The following RTN1 variants were observed in gnomAD, a reference collection of about 807,000 sequenced individuals.
The protein encoded by RTN1 is reticulon 1, also known as reticulon-1.
RTN1 carries 25 observed loss-of-function variants against 65.5 expected under a neutral mutation model. That is an observed-to-expected ratio of 0.38 (90% CI 0.28 to 0.53). RTN1 has a LOEUF of 0.53. Ranked by LOEUF, RTN1 falls within the 20% of genes least tolerant of loss-of-function variation. RTN1 has a pLI of 0.79. For synonymous variants in RTN1, 471 were observed against 447.6 expected (o/e 1.05, Z -0.66); for missense variants, 983 against 1,025.4 (o/e 0.96, Z 0.57).
intron 1 of RTN1, among the ~76,000 whole-genome samples, chr14:59,750,139 A>AT (rs1555358830): frequency 4.1e-4 from 31 of 74,832 alleles, no homozygotes; most frequent in Non-Finnish European, 6.9e-4. Flanking sequence ...TATAATATAT[A>AT]ATATATATAT....
intron 1 of RTN1, among the ~76,000 whole-genome samples, chr14:59,804,871 C>T (rs897534437): frequency 1.3e-5 from 2 of 152,166 alleles, no homozygotes; most frequent in African/African-American, 4.8e-5. Flanking sequence ...TAGCTTAGTG[C>T]TTAATGTTGA....
intron 1 of RTN1, among the ~76,000 whole-genome samples, chr14:59,746,769 A>G (rs745572857): frequency 1.3e-5 from 2 of 152,134 alleles, no homozygotes; most frequent in African/African-American, 2.4e-5. Context: ...TTTATTTTCA[A>G]CGTCTACCAC....
chr14:59,736,243 G>GT (rs978951892), intron 2 of RTN1, among the ~76,000 whole-genome samples: 42 of 151,828 alleles, frequency 2.8e-4, no homozygotes, highest in African/African-American at 9.9e-4. Flanking sequence ...TCTAGGAGCT[G>GT]TTTTTTTAAA....
intron 1 of RTN1, among the ~76,000 whole-genome samples, chr14:59,773,533 T>C (rs1373848821): frequency 6.6e-6 from 1 of 152,202 alleles, no homozygotes; most frequent in Admixed American, 6.5e-5. Flanking sequence ...ACAAATATTC[T>C]AATTTCCATT....
intron 8 of RTN1, among the ~76,000 whole-genome samples, chr14:59,602,413 G>GA (rs1223936232): frequency 7.9e-5 from 12 of 152,060 alleles, no homozygotes; most frequent in African/African-American, 2.9e-4. Context: ...AGTAATGTAA[G>GA]AATTAGGGAA....
At chr14:59,684,204 A>G (rs1191318164) in intron 3 of RTN1, among the ~76,000 whole-genome samples, 1 of 152,044 alleles carries the variant, frequency 6.6e-6, no homozygotes, top group Admixed American at 6.5e-5. Flanking sequence ...ATTTAATTAA[A>G]TGATCTGTTT....
At chr14:59,828,583 G>A (rs1887073809) in intron 1 of RTN1, among the ~76,000 whole-genome samples, 1 of 152,182 alleles carries the variant, frequency 6.6e-6, no homozygotes, top group African/African-American at 2.4e-5. Flanking sequence ...AGGAAAAATG[G>A]GCAGCCCCAA....
At chr14:59,677,167 C>T (rs533186923) in intron 3 of RTN1, among the ~76,000 whole-genome samples, 12 of 152,330 alleles carry the variant, frequency 7.9e-5, no homozygotes, top group African/African-American at 2.9e-4. Context: ...GGACCCCAGC[C>T]TTTGAATCCT....
intron 3 of RTN1, among the ~76,000 whole-genome samples, chr14:59,624,811 G>A (rs1882349936): frequency 6.6e-6 from 1 of 152,022 alleles, no homozygotes; most frequent in African/African-American, 2.4e-5. Context: ...ACAATACATG[G>A]GTGCAAACAT....
chr14:59,837,336 A>C (rs1056434292), intron 1 of RTN1, among the ~76,000 whole-genome samples: 4 of 152,092 alleles, frequency 2.6e-5, no homozygotes, highest in Non-Finnish European at 4.4e-5. Context: ...AATGTAAAAA[A>C]ATAAAATATT....
intron 1 of RTN1, among the ~76,000 whole-genome samples, chr14:59,866,670 CTT>C (rs890082001): frequency 1.3e-4 from 20 of 152,084 alleles, no homozygotes; most frequent in African/African-American, 4.1e-4. Flanking sequence ...TTTCCAAACT[CTT>C]TTATTCATCT....
chr14:59,691,716 C>T lies in RTN1; in HGVS notation c.1765+35203G>A, dbSNP rs376043052. ...TAATAGCAAATCAAACCCAGCAGGT[C>T]ATCAAAAAATTAATTCACCAAAATC... On this transcript the variant is annotated intron_variant, in intron 3 of 8. Coordinates refer to ENST00000267484, the MANE Select transcript of RTN1 (RefSeq NM_021136.3). Among the ~76,000 whole-genome samples the T allele has an allele frequency of 2.6e-4, 39 of 152,232 alleles. No individual in the cohort carries two copies. In the East Asian group the frequency reaches 5.6e-3, roughly 22 times the overall value.
intron 4 of RTN1, 59 bp from the exon 5 acceptor site, chr14:59,605,565 C>A: frequency 3.2e-6 from 5 of 1,579,018 alleles, no homozygotes; most frequent in Middle Eastern, 2.0e-4. Context: ...GACAGGCTGC[C>A]GAACCCCAGT....
chr14:59,769,053 A>G (rs1268492810), intron 1 of RTN1, among the ~76,000 whole-genome samples: 2 of 152,194 alleles, frequency 1.3e-5, no homozygotes. Flanking sequence ...TAGTCATCCT[A>G]TAAGTAGCTG....
At chr14:59,735,990 A>C (rs1884994003) in intron 2 of RTN1, among the ~76,000 whole-genome samples, 1 of 152,236 alleles carries the variant, frequency 6.6e-6, no homozygotes, top group African/African-American at 2.4e-5. Context: ...CTTTGAAACT[A>C]ATGAGAGCAA....
chr14:59,777,866 C>G (rs1054630877), intron 1 of RTN1, among the ~76,000 whole-genome samples: 2 of 143,266 alleles, frequency 1.4e-5, no homozygotes, highest in African/African-American at 2.6e-5. Context: ...CACACACACA[C>G]AAAACACCCT....
At chr14:59,734,066 C>G (rs1345461405) in intron 2 of RTN1, among the ~76,000 whole-genome samples, 1 of 152,240 alleles carries the variant, frequency 6.6e-6, no homozygotes, top group Non-Finnish European at 1.5e-5. Flanking sequence ...CCAACTTTCA[C>G]TGCTGATGCC....
chr14:59,639,427 A>G (rs1436884109), intron 3 of RTN1, among the ~76,000 whole-genome samples: 3 of 152,220 alleles, frequency 2.0e-5, no homozygotes, highest in African/African-American at 7.2e-5. Context: ...AAAAAGCAGT[A>G]TCTGCAAAGT....
intron 3 of RTN1, among the ~76,000 whole-genome samples, chr14:59,620,715 A>G (rs893388545): frequency 2.6e-5 from 4 of 152,252 alleles, no homozygotes; most frequent in Admixed American, 6.5e-5. Context: ...ACTGCCAAAA[A>G]GTGAAGAGGG....
Sources: allele counts gnomAD v4.1 joint callset (sites outside exome capture counted in the v4.1 genomes callset), GRCh38; gene constraint gnomAD v4.1.1; transcripts MANE v1.5; gene names NCBI Gene and HGNC (gene_info 2026-07-23, HGNC 2026-07-21).